The following ABCA13 variants were observed in gnomAD, a reference collection of about 807,000 sequenced individuals.
The protein encoded by ABCA13 is ATP-binding cassette sub-family A member 13.
Under a neutral mutation model 478.7 loss-of-function variants are expected in ABCA13, and 476 were observed. That is an observed-to-expected ratio of 0.99 (90% confidence interval 0.92 to 1.07). The LOEUF (loss-of-function observed/expected upper bound fraction) is 1.07, where lower values mean the gene tolerates loss of function less well. ABCA13 is among the 50% of genes least tolerant of loss of function. ABCA13 has a pLI of 0.00. For synonymous variants in ABCA13, 2,252 were observed against 2,158.9 expected, an observed-to-expected ratio of 1.04 and a Z score of -1.20; for missense variants, 6,060 against 5,910.6, an observed-to-expected ratio of 1.03 and a Z score of -0.83.
chr7:48,544,169 C>A (rs886195173), intron 55 of ABCA13, among the ~76,000 whole-genome samples: 4 of 151,286 alleles, frequency 2.6e-5, no homozygotes, highest in Non-Finnish European at 5.9e-5. Flanking sequence ...TATATTAGTA[C>A]CTATCTGAGG....
At chr7:48,488,222 T>A (rs2362312) in intron 47 of ABCA13, among the ~76,000 whole-genome samples, 3 of 151,908 alleles carry the variant, frequency 2.0e-5, no homozygotes, top group African/African-American at 7.3e-5. Context: ...CATTGTCTTG[T>A]GTAGTAGGGT....
intron 39 of ABCA13, among the ~76,000 whole-genome samples, chr7:48,408,952 T>G (rs1467400730): frequency 1.3e-5 from 2 of 152,318 alleles, no homozygotes; most frequent in African/African-American, 4.8e-5. Context: ...GTGTTTGGTT[T>G]TCTGTTCCTG....
At position 48,410,975 on chromosome 7, in the gene ABCA13, TTC is replaced by T. The variant is rs373755985; in HGVS notation, c.12228+302_12228+303del. On this transcript the variant is annotated intron_variant, in intron 40 of 61. Transcript: ENST00000435803. The stretch of plus-strand genomic sequence containing the variant: ...TGACCTATGTATTCTAGAAATTCTT[TTC>T]TCTTTCTTTCTTTCTTTCTTTCTTT... Among the ~76,000 whole-genome samples the T allele has an allele frequency of 2.3e-3, 333 of 144,744 alleles. 3 individuals are homozygous for T. The highest frequency in any genetic ancestry group is 7.9e-3 in the African/African-American group (310 of 39,036). 95.0% of individuals were successfully genotyped at this position (144,744 alleles called of 152,430 possible).
At chr7:48,319,722 T>C (rs1803140757) in intron 27 of ABCA13, among the ~76,000 whole-genome samples, 1 of 152,184 alleles carries the variant, frequency 6.6e-6, no homozygotes, top group Non-Finnish European at 1.5e-5. Flanking sequence ...AAGAAACGTG[T>C]GTATGTGTGT....
chr7:48,456,947 T>C lies in ABCA13; in HGVS notation c.12815+1661T>C, dbSNP rs1315554975. ...AAGGCATCAGTATTTTTATGGTAGA[T>C]AGTGCCAAATTACCCTTATAAATGT... On this transcript the variant is annotated intron_variant, in intron 43 of 61. Coordinates refer to ENST00000435803, the MANE Select transcript of ABCA13 (RefSeq NM_152701.5). Among the ~76,000 whole-genome samples, 3 of 152,274 alleles carry C rather than the reference T, an allele frequency of 2.0e-5. No homozygotes were observed. The East Asian group carries it at 5.8e-4, about 29-fold the overall frequency.
At chr7:48,577,704 A>G (rs1379803167) in intron 55 of ABCA13, among the ~76,000 whole-genome samples, 1 of 150,080 alleles carries the variant, frequency 6.7e-6, no homozygotes, top group African/African-American at 2.5e-5. Flanking sequence ...TAGATACAGA[A>G]CAATTATGGT....
rs892072861 is a variant in ABCA13, at chr7:48,265,143, A to G, written c.2006-3837A>G. 4.0e-5 allele frequency among the ~76,000 whole-genome samples: 6 copies of G among 151,782 alleles called. 1 individual carries two copies. In the South Asian group the frequency reaches 6.2e-4, roughly 16 times the overall value. On this transcript the variant is annotated intron_variant, in intron 15 of 61. Transcript: ENST00000435803. ...ACTCTGTATTTTATCCCAGTGTTCT[A>G]TTTGTCCATCTTTATACCAAAATTA...
intron 58 of ABCA13, among the ~76,000 whole-genome samples, chr7:48,603,491 T>C (rs897170135): frequency 6.6e-6 from 1 of 152,184 alleles, no homozygotes; most frequent in African/African-American, 2.4e-5. Context: ...GATAATCATG[T>C]GGTTTTCGTC....
At chr7:48,319,482 C>T (rs1432907455) in intron 27 of ABCA13, among the ~76,000 whole-genome samples, 6 of 152,084 alleles carry the variant, frequency 3.9e-5, no homozygotes, top group Admixed American at 2.0e-4. Context: ...AGCTGGGAGA[C>T]GCTTGTAGGT....
intron 59 of ABCA13, among the ~76,000 whole-genome samples, chr7:48,637,380 G>GCAAAAAAAAAAAAAA (rs1794731619): frequency 1.5e-4 from 1 of 6,574 alleles, no homozygotes; most frequent in Non-Finnish European, 2.8e-4. Flanking sequence ...TGTTCATAAA[G>GCAAAAAAAAAAAAAA]CAAAAAAAAA....
chr7:48,479,491 G>A (rs921830631), intron 45 of ABCA13, among the ~76,000 whole-genome samples: 12 of 152,128 alleles, frequency 7.9e-5, no homozygotes, highest in Non-Finnish European at 1.6e-4. Context: ...ACCCACCTCC[G>A]CCTCCCAATG....
chr7:48,532,331 C>T (rs1833295226), intron 55 of ABCA13, among the ~76,000 whole-genome samples: 2 of 152,142 alleles, frequency 1.3e-5, no homozygotes, highest in Admixed American at 1.3e-4. Flanking sequence ...ATCAACCCTG[C>T]ATCCCTGGTA....
At position 48,489,321 on chromosome 7, in the gene ABCA13, C is replaced by G; in HGVS notation, c.13268C>G (p.Pro4423Arg). The change falls in exon 48 of 62, where the codon CCT becomes CGT. Residue 4423 changes from proline to arginine, a missense_variant. Physicochemically the swap from Pro to Arg is moderately radical, Grantham distance 103 (BLOSUM62 -2). Transcript: ENST00000435803. Reference protein sequence around the residue: ...NNLILWQHLPPTVDWRQYGIT... With the variant: ...NNLILWQHLPRTVDWRQYGIT... ...CTTATTTTGTGGCAGCACCTACCCCCTACTGTGGACTGGAGACAATACGGT... is the reference window on the plus strand; with the variant it reads ...CTTATTTTGTGGCAGCACCTACCCCGTACTGTGGACTGGAGACAATACGGT... 6.2e-7 allele frequency: 1 copy of G among 1,608,688 alleles called. No individual in the cohort carries two copies. Among genetic ancestry groups the G allele is most frequent in the South Asian group, 1.1e-5 (1 of 90,740 alleles).
At chr7:48,390,411 A>C (rs1287547157) in intron 37 of ABCA13, among the ~76,000 whole-genome samples, 1 of 152,242 alleles carries the variant, frequency 6.6e-6, no homozygotes, top group African/African-American at 2.4e-5. Flanking sequence ...GAATGTGTAT[A>C]AACTATTTTA....
rs538238634 is a variant in ABCA13, at chr7:48,171,818, G to A, written c.69+266G>A. 5.9e-5 allele frequency among the ~76,000 whole-genome samples: 9 copies of A among 152,326 alleles called. No individual in the cohort carries two copies. The East Asian group carries it at 1.5e-3, about 26-fold the overall frequency. On this transcript the variant is annotated intron_variant, in intron 1 of 61. Transcript: ENST00000435803. The stretch of plus-strand genomic sequence containing the variant: ...ATTCTAAAAACAAACAAACAAAAAA[G>A]CAGGTGGAATTGAACTATAATTTGT...
intron 27 of ABCA13, among the ~76,000 whole-genome samples, chr7:48,334,477 GGTGCCTGCCACC>G (rs1805911190): frequency 6.6e-6 from 1 of 152,072 alleles, no homozygotes; most frequent in Non-Finnish European, 1.5e-5. Flanking sequence ...TGGGATTACA[GGTGCCTGCCACC>G]GTGCCCGGCT....
At chr7:48,502,391 T>C (rs977207344) in intron 48 of ABCA13, among the ~76,000 whole-genome samples, 1 of 152,206 alleles carries the variant, frequency 6.6e-6, no homozygotes, top group Non-Finnish European at 1.5e-5. Context: ...GTGACTGTCA[T>C]GGTTTAAGGT....
chr7:48,407,215 T>C (rs536146410), intron 39 of ABCA13, among the ~76,000 whole-genome samples: 7 of 152,240 alleles, frequency 4.6e-5, no homozygotes, highest in Admixed American at 2.6e-4. Context: ...GGCTTATGCC[T>C]GTAATACCAG....
At chr7:48,443,096 G>C (rs1299933109) in intron 42 of ABCA13, among the ~76,000 whole-genome samples, 1 of 152,166 alleles carries the variant, frequency 6.6e-6, no homozygotes, top group Admixed American at 6.5e-5. Context: ...AACCATGTGA[G>C]GGAGAAGAAA....
Sources: gnomAD v4.1 joint callset for allele counts (sites outside exome capture counted in the v4.1 genomes callset) on GRCh38, gnomAD v4.1.1 for gene constraint, MANE v1.5 for transcripts, NCBI Gene and HGNC (gene_info 2026-07-23, HGNC 2026-07-21) for gene names.